Variants in CNIH3 observed in about 807,000 individuals in gnomAD.
CNIH3 encodes the protein cornichon family AMPA receptor auxiliary protein 3.
In CNIH3, 14 loss-of-function variants were observed where a neutral mutation model predicts 24.1. That is an observed-to-expected ratio of 0.58 (90% CI 0.38 to 0.91). The LOEUF is 0.91. Among genes scored for constraint, CNIH3 ranks in the 40% least tolerant of loss-of-function variants. CNIH3 has a pLI of 0.00. For missense variants in CNIH3, 178 were observed against 196.8 expected (o/e 0.90, Z 0.57); for synonymous variants, 68 against 73.8 (o/e 0.92, Z 0.40).
At chr1:224,697,962 C>T (rs1000595022) in intron 3 of CNIH3, among the ~76,000 whole-genome samples, 5 of 152,176 alleles carry the variant, frequency 3.3e-5, no homozygotes, top group African/African-American at 7.2e-5. Flanking sequence ...TGAATTAATT[C>T]GCATGCTCCA....
At chr1:224,602,634 A>C (rs1682253294) in intron 3 of CNIH3, among the ~76,000 whole-genome samples, 2 of 152,234 alleles carry the variant, frequency 1.3e-5, no homozygotes. Flanking sequence ...AACCAAATAG[A>C]AGTGTATTAA....
chr1:224,725,741 C>T (rs1301829109), intron 3 of CNIH3, among the ~76,000 whole-genome samples: 3 of 152,180 alleles, frequency 2.0e-5, no homozygotes, highest in Non-Finnish European at 4.4e-5. Flanking sequence ...CTTCATCTCC[C>T]TCATCTTCTC....
intron 1 of CNIH3, among the ~76,000 whole-genome samples, chr1:224,509,196 A>T (rs1378759342): frequency 6.6e-6 from 1 of 152,134 alleles, no homozygotes; most frequent in African/African-American, 2.4e-5. Context: ...GGTGGTACAC[A>T]TCTGTAATCC....
rs1684659764 is a variant in CNIH3, at chr1:224,647,422, G to T, written c.81+30167G>T. On this transcript the variant is annotated intron_variant, in intron 1 of 5. Coordinates refer to ENST00000272133, the MANE Select transcript of CNIH3 (RefSeq NM_152495.2). ...AAGTAGTCTGGCTTGCTTGTCCATG[G>T]AGGTGGAACAGGAGTGTCTGACCAC... 3.3e-5 allele frequency among the ~76,000 whole-genome samples: 5 copies of T among 152,308 alleles called. No homozygotes were observed. In the South Asian group the frequency reaches 1.0e-3, roughly 32 times the overall value.
chr1:224,519,166 CCTGAAA>C (rs1221757245), intron 1 of CNIH3, among the ~76,000 whole-genome samples: 1 of 152,180 alleles, frequency 6.6e-6, no homozygotes, highest in African/African-American at 2.4e-5. Flanking sequence ...TAAACACATA[CCTGAAA>C]CTGGGCAATT....
chr1:224,729,435 A>T (rs985178034), intron 3 of CNIH3, among the ~76,000 whole-genome samples: 1 of 149,424 alleles, frequency 6.7e-6, no homozygotes, highest in Non-Finnish European at 1.5e-5. Context: ...AAAAAAAAAA[A>T]GGTAAGTGGC....
In CNIH3 at chr1:224,730,518, G is replaced by T. The variant is rs753238239; in HGVS notation, c.255G>T (p.Ala85=). Residue 85 remains alanine, a synonymous_variant, in exon 4 of 6, where the codon GCG becomes GCT. Transcript: ENST00000272133. ...TCTTCTGCATTATGTTCCTGTGTGCGCAAGAGTGGCTCACGCTGGGGCTGA... is the reference window on the plus strand; with the variant it reads ...TCTTCTGCATTATGTTCCTGTGTGCTCAAGAGTGGCTCACGCTGGGGCTGA... ...HSLFCIMFLC[A]QEWLTLGLNV... 5.8e-6 allele frequency: 9 copies of T among 1,561,826 alleles called. No individual in the cohort carries two copies. Among genetic ancestry groups the T allele is most frequent in the Non-Finnish European group, 7.8e-6 (9 of 1,151,578 alleles).
intron 1 of CNIH3, among the ~76,000 whole-genome samples, chr1:224,645,345 C>G (rs1177572520): frequency 1.3e-5 from 2 of 152,246 alleles, no homozygotes; most frequent in African/African-American, 4.8e-5. Context: ...AGGCGGTACA[C>G]TCACCTCTTG....
At chr1:224,552,293 AC>A (rs1679953903) in intron 3 of CNIH3, among the ~76,000 whole-genome samples, 1 of 151,134 alleles carries the variant, frequency 6.6e-6, no homozygotes, top group South Asian at 2.1e-4. Context: ...CAGGCCATAC[AC>A]CCTCTGTGAT....
At position 224,740,109 on chromosome 1, in the gene CNIH3, A is replaced by G. The variant is rs183940409; in HGVS notation, c.*753A>G. The G allele has an allele frequency of 6.6e-6, 1 of 152,418 alleles. No homozygotes were observed. The allele number at this position is 152,418 out of a possible 1,614,324, so 9.4% of individuals were successfully genotyped here. A position where few individuals can be genotyped will look rare whatever the true frequency, so the allele number is the denominator to read the frequency against. On this transcript the variant is annotated 3_prime_UTR_variant, in exon 6 of 6. Transcript: ENST00000272133. ...GCAAATCAATTGGTCAATGCTAGTCAAAGCTATGTTCTTACAAAAACCCCA... is the reference window on the plus strand; with the variant it reads ...GCAAATCAATTGGTCAATGCTAGTCGAAGCTATGTTCTTACAAAAACCCCA...
At position 224,725,066 on chromosome 1, in the gene CNIH3, C is replaced by T. The variant is rs569873892; in HGVS notation, c.199-5396C>T. Among the ~76,000 whole-genome samples the T allele has an allele frequency of 1.6e-4, 25 of 152,082 alleles. No individual in the cohort carries two copies. The East Asian group carries it at 2.9e-3, about 18-fold the overall frequency. ...CTCTACTAAAAATACAAAAATTAGC[C>T]GGGCATGGTGGCACATGCCTGCAGT... is the stretch of plus-strand genomic sequence containing the variant. On this transcript the variant is annotated intron_variant, in intron 3 of 5. Coordinates refer to ENST00000272133, the MANE Select transcript of CNIH3 (RefSeq NM_152495.2).
chr1:224,678,489 C>G (rs923859094), intron 1 of CNIH3, among the ~76,000 whole-genome samples: 5 of 152,148 alleles, frequency 3.3e-5, no homozygotes, highest in African/African-American at 1.2e-4. Context: ...CATTTACAAC[C>G]TGAAACATCC....
chr1:224,651,014 C>T lies in CNIH3; in HGVS notation c.82-29944C>T, dbSNP rs578085511. ...TGTTCACATGGGGAGGCTCAGTTTT[C>T]CAGTAGATGGTGGGCTGGAGTGAAA... On this transcript the variant is annotated intron_variant, in intron 1 of 5. Transcript: ENST00000272133. Among the ~76,000 whole-genome samples the T allele has an allele frequency of 3.3e-5, 5 of 152,060 alleles. No homozygotes were observed. The East Asian group carries it at 9.7e-4, about 29-fold the overall frequency.
At chr1:224,689,219 C>T (rs1686810755) in intron 3 of CNIH3, among the ~76,000 whole-genome samples, 1 of 152,132 alleles carries the variant, frequency 6.6e-6, no homozygotes, top group Admixed American at 6.6e-5. Flanking sequence ...CTCAATGTGA[C>T]TGTAAACTAG....
At chr1:224,613,842 T>A (rs1003514507), upstream of CNIH3, among the ~76,000 whole-genome samples, 1 of 152,126 alleles carries the variant, frequency 6.6e-6, no homozygotes, top group Non-Finnish European at 1.5e-5. Context: ...GGTGAGCCAA[T>A]TGAACCTGTT....
chr1:224,556,021 G>A (rs545043761), intron 3 of CNIH3, among the ~76,000 whole-genome samples: 1 of 152,288 alleles, frequency 6.6e-6, no homozygotes, highest in African/African-American at 2.4e-5. Context: ...GAAGACTGCT[G>A]AGGAAGGGTC....
intron 1 of CNIH3, among the ~76,000 whole-genome samples, chr1:224,631,068 A>C (rs572588472): frequency 6.6e-6 from 1 of 152,182 alleles, no homozygotes; most frequent in African/African-American, 2.4e-5. Context: ...CTGAGGCAGG[A>C]GAATCACTTG....
intron 3 of CNIH3, among the ~76,000 whole-genome samples, chr1:224,723,609 A>G (rs902995396): frequency 1.3e-5 from 2 of 152,186 alleles, no homozygotes; most frequent in Non-Finnish European, 2.9e-5. Context: ...CCAGGAGGAA[A>G]ATTCTTCTGT....
At chr1:224,639,148 G>T (rs1445012287) in intron 1 of CNIH3, among the ~76,000 whole-genome samples, 1 of 152,212 alleles carries the variant, frequency 6.6e-6, no homozygotes, top group East Asian at 1.9e-4. Context: ...GGACCCCAGG[G>T]TCATGGGAGG....
Sources: gnomAD v4.1 joint callset for allele counts (sites outside exome capture counted in the v4.1 genomes callset) on GRCh38, gnomAD v4.1.1 for gene constraint, MANE v1.5 for transcripts, NCBI Gene and HGNC (gene_info 2026-07-23, HGNC 2026-07-21) for gene names.